Variants in LCOR observed in about 807,000 individuals in gnomAD.
LCOR encodes ligand-dependent corepressor.
Under a neutral mutation model 64.4 loss-of-function variants are expected in LCOR, and 14 were observed. The ratio of observed to expected loss-of-function variants is 0.22; its 90% confidence interval spans 0.14 to 0.34. LCOR has a LOEUF of 0.34. Ranked by LOEUF, LCOR falls within the 10% of genes least tolerant of loss-of-function variation. The pLI is 1.00. For missense variants in LCOR, 1,686 were observed against 1,765.3 expected, an observed-to-expected ratio of 0.96 and a Z score of 0.80; for synonymous variants, 643 against 642.5, an observed-to-expected ratio of 1.00 and a Z score of -0.01.
intron 2 of LCOR, among the ~76,000 whole-genome samples, chr10:96,906,703 C>G (rs1249455687): frequency 6.6e-6 from 1 of 151,986 alleles, no homozygotes; most frequent in African/African-American, 2.4e-5. Flanking sequence ...TATAAAGGAA[C>G]CAGTACATAG....
chr10:96,873,582 G>A (rs1478764739), intron 2 of LCOR, among the ~76,000 whole-genome samples: 1,704 of 106,834 alleles, frequency 0.016, 21 homozygotes, highest in African/African-American at 0.066. Flanking sequence ...GTGTGTGTGT[G>A]TGTGTGTGTG....
rs767790597 is a variant in LCOR, at chr10:96,985,168, TATAGAAGTA to T, written c.*36_*44del. ...ATGGTAGCCAAGAGTAAAACTGTTC[TATAGAAGTA>T]ACCTTTTATTTTGCATTAACTAAAT... On this transcript the variant is annotated 3_prime_UTR_variant, in exon 8 of 8. Coordinates refer to ENST00000421806, the MANE Select transcript of LCOR (RefSeq NM_001346516.2). 3.9e-6 allele frequency: 6 copies of T among 1,542,476 alleles called. No individual in the cohort carries two copies. Among genetic ancestry groups the T allele is most frequent in the Non-Finnish European group, 4.3e-6 (5 of 1,149,878 alleles).
Position 96,949,094 on chromosome 10 carries a change from A to G in LCOR, c.37A>G (p.Thr13Ala). The part of the protein sequence containing the change: ...RMIQQFAAEY[T>A]SKNSSTQDPS... ...GATCCAACAATTTGCTGCTGAATAT[A>G]CCTCAAAAAATAGCTCTACTCAGGA... The change falls in exon 6 of 8, where the codon ACC (threonine) becomes GCC (alanine). Residue 13 changes from threonine to alanine, a missense_variant. Physicochemically the swap from Thr to Ala is moderately conservative, Grantham distance 58. Transcript: ENST00000421806. 6.2e-7 allele frequency: 1 copy of G among 1,613,954 alleles called. No individual in the cohort carries two copies. Among genetic ancestry groups the G allele is most frequent in the Middle Eastern group, 1.6e-4 (1 of 6,062 alleles).
At position 96,871,149 on chromosome 10, in the gene LCOR, C is replaced by G. The variant is rs542766637; in HGVS notation, c.-329-36116C>G. On this transcript the variant is annotated intron_variant, in intron 2 of 7. Transcript: ENST00000421806. ...ATAGCTCACTGCAGCCTTGAACTCT[C>G]AGGCTCAAGAGATCCTCCTGCCTTA... Among the ~76,000 whole-genome samples the G allele has an allele frequency of 3.3e-5, 5 of 151,572 alleles. No individual in the cohort carries two copies. The East Asian group carries it at 5.8e-4, about 18-fold the overall frequency.
At chr10:96,876,265 C>T (rs1038043055) in intron 2 of LCOR, among the ~76,000 whole-genome samples, 2 of 152,208 alleles carry the variant, frequency 1.3e-5, no homozygotes, top group African/African-American at 4.8e-5. Context: ...CAGCTCAGGT[C>T]TGTCTTCCCC....
intron 2 of LCOR, among the ~76,000 whole-genome samples, chr10:96,898,725 TG>T (rs1846584035): frequency 6.6e-6 from 1 of 152,250 alleles, no homozygotes; most frequent in Non-Finnish European, 1.5e-5. Flanking sequence ...TGTTTTGTTT[TG>T]TTTTACACAT....
chr10:96,837,078 G>A lies in LCOR; in HGVS notation c.-330+3599G>A, dbSNP rs184235691. On this transcript the variant is annotated intron_variant, in intron 2 of 7. Coordinates refer to ENST00000421806, the MANE Select transcript of LCOR (RefSeq NM_001346516.2). ...ACCATTTCAGCTCACTGCAAGTTCC[G>A]CCTCCTGGGTTCAAGCCATTCTCCT... Among the ~76,000 whole-genome samples, 180 of 150,116 alleles carry A rather than the reference G, an allele frequency of 1.2e-3. 1 individual carries two copies. The highest frequency in any genetic ancestry group is 3.3e-3 in the Admixed American group (50 of 14,978).
intron 2 of LCOR, among the ~76,000 whole-genome samples, chr10:96,906,610 A>G (rs1846732487): frequency 6.6e-6 from 1 of 152,354 alleles, no homozygotes; most frequent in South Asian, 2.1e-4. Context: ...TGGTAGAAGG[A>G]CATAATAATT....
At chr10:96,911,338 T>G (rs1443180324) in intron 4 of LCOR, among the ~76,000 whole-genome samples, 8 of 152,130 alleles carry the variant, frequency 5.3e-5, no homozygotes, top group Non-Finnish European at 1.2e-4. Flanking sequence ...CCTCAAGTGA[T>G]CCACTCGCCT....
intron 7 of LCOR, chr10:96,962,774 G>A (rs895792983): frequency 1.3e-5 from 2 of 152,238 alleles, no homozygotes; most frequent in Middle Eastern, 3.4e-3. Flanking sequence ...GAAAAAAAAT[G>A]TATAAACTAT....
At chr10:96,965,577 G>T (rs954447073) in intron 7 of LCOR, among the ~76,000 whole-genome samples, 3 of 149,790 alleles carry the variant, frequency 2.0e-5, no homozygotes, top group Admixed American at 1.3e-4. Flanking sequence ...CAGGAGAATG[G>T]CGTGAACCCA....
chr10:96,904,530 G>T (rs1318783027), intron 2 of LCOR, among the ~76,000 whole-genome samples: 1 of 152,206 alleles, frequency 6.6e-6, no homozygotes, highest in East Asian at 1.9e-4. Flanking sequence ...GGTGCAGGTT[G>T]CAGTGAAGAA....
rs551872303 is a variant in LCOR at position 96,932,153 on chromosome 10, T to G, written c.-183-11960T>G. ...GATTTTCCTTCCTAAATGCTAAGACTTATGTAATTTTAAAAATATGCCACT... is the reference window on the plus strand; with the variant it reads ...GATTTTCCTTCCTAAATGCTAAGACGTATGTAATTTTAAAAATATGCCACT... On this transcript the variant is annotated intron_variant, in intron 4 of 7. Coordinates refer to ENST00000421806, the MANE Select transcript of LCOR (RefSeq NM_001346516.2). Among the ~76,000 whole-genome samples, 10 of 152,258 alleles carry G rather than the reference T, an allele frequency of 6.6e-5. No homozygotes were observed. In the South Asian group the frequency reaches 2.1e-3, roughly 32 times the overall value.
chr10:96,965,040 G>A (rs560488379), intron 7 of LCOR, among the ~76,000 whole-genome samples: 19 of 151,278 alleles, frequency 1.3e-4, no homozygotes, highest in African/African-American at 4.1e-4. Flanking sequence ...ATGGAGTCTC[G>A]CTCTGTCTCC....
chr10:96,979,770 C>T (rs1380209200), intron 7 of LCOR, among the ~76,000 whole-genome samples: 2 of 152,176 alleles, frequency 1.3e-5, no homozygotes, highest in African/African-American at 4.8e-5. Flanking sequence ...GATTTCTATT[C>T]CTTTATACTC....
intron 2 of LCOR, among the ~76,000 whole-genome samples, chr10:96,854,626 C>G (rs1433351060): frequency 6.6e-6 from 1 of 152,078 alleles, no homozygotes; most frequent in African/African-American, 2.4e-5. Flanking sequence ...CGTGCCTGGC[C>G]CATTTCTTCA....
chr10:96,942,517 T>A (rs1455984794), intron 4 of LCOR, among the ~76,000 whole-genome samples: 2 of 152,326 alleles, frequency 1.3e-5, no homozygotes, highest in East Asian at 3.9e-4. Flanking sequence ...TCAGTTAAAT[T>A]TTTTAATACA....
chr10:96,885,764 A>T (rs1301884667), intron 2 of LCOR, among the ~76,000 whole-genome samples: 3 of 151,972 alleles, frequency 2.0e-5, no homozygotes, highest in Non-Finnish European at 4.4e-5. Flanking sequence ...AAGAAAAAAA[A>T]AAGATAATTT....
intron 7 of LCOR, among the ~76,000 whole-genome samples, chr10:96,979,033 A>G (rs1848060558): frequency 6.6e-6 from 1 of 152,228 alleles, no homozygotes; most frequent in African/African-American, 2.4e-5. Context: ...TCGGATCTCC[A>G]TATTCCACAG....
Sources: gnomAD v4.1 joint callset for allele counts (sites outside exome capture counted in the v4.1 genomes callset) on GRCh38, gnomAD v4.1.1 for gene constraint, MANE v1.5 for transcripts, NCBI Gene and HGNC (gene_info 2026-07-23, HGNC 2026-07-21) for gene names.